Variants in PLEKHA6 observed in about 807,000 individuals in gnomAD.
PLEKHA6 encodes pleckstrin homology domain containing A6, also known as pleckstrin homology domain-containing family A member 6.
PLEKHA6 carries 60 observed loss-of-function variants against 116.7 expected under a neutral mutation model. The ratio of observed to expected loss-of-function variants is 0.51; its 90% CI spans 0.42 to 0.64. The LOEUF is 0.64. PLEKHA6 is among the 30% of genes least tolerant of loss of function. PLEKHA6 has a pLI of 0.00. For missense variants in PLEKHA6, 1,338 were observed against 1,422.7 expected (o/e 0.94, Z 0.96); for synonymous variants, 489 against 556.1 (o/e 0.88, Z 1.70).
At position 204,228,530 on chromosome 1, in the gene PLEKHA6, G is replaced by A. The variant is rs916264065; in HGVS notation, c.2885+198C>T. Among the ~76,000 whole-genome samples, 3 of 152,244 alleles carry A rather than the reference G, an allele frequency of 2.0e-5. No individual in the cohort carries two copies. Among genetic ancestry groups the A allele is most frequent in the Non-Finnish European group, 2.9e-5 (2 of 67,992 alleles). Reference sequence around the variant, plus strand: ...TTTGTCTCGATGGTGTGGTGTGCACGAGCCTGGCAGGTCTTAGTAGCACCT... The same window carrying A: ...TTTGTCTCGATGGTGTGGTGTGCACAAGCCTGGCAGGTCTTAGTAGCACCT... On this transcript the variant is annotated intron_variant, in intron 20 of 22. Transcript: ENST00000272203. The surrounding 1 kb of genome is among the most constrained non-coding windows in gnomAD (Gnocchi z 4.0).
chr1:204,268,434 C>A, intron 3 of PLEKHA6, 122 bp from the exon 4 acceptor site: 1 of 487,446 alleles, frequency 2.1e-6, no homozygotes, highest in Non-Finnish European at 3.6e-6. Context: ...GCCCTCACAC[C>A]AAGGGGCCCA....
chr1:204,257,399 G>A lies in PLEKHA6; in HGVS notation c.1478C>T (p.Ala493Val), dbSNP rs1319691935. ...RLPPRSEDIY[A>V]DPAAYVMRRS... The stretch of plus-strand genomic sequence containing the variant: ...CCTCATCACATAGGCAGCAGGGTCA[G>A]CATAGATGTCCTCACTGCGAGGTGG... The change falls in exon 9 of 23, where the codon GCT (alanine) becomes GTT (valine). Residue 493 changes from alanine to valine, a missense_variant. By Grantham distance (64) the Ala-to-Val change is moderately conservative. Transcript: ENST00000272203. The surrounding 1 kb of genome is among the most constrained non-coding windows in gnomAD (Gnocchi z 6.5). The A allele has an allele frequency of 6.4e-7, 1 of 1,563,848 alleles. No homozygotes were observed. The highest frequency in any genetic ancestry group is 1.9e-5 in the Admixed American group (1 of 52,498).
At position 204,257,792 on chromosome 1, in the gene PLEKHA6, T is replaced by C. The variant is rs1287465793; in HGVS notation, c.1085A>G (p.Tyr362Cys). 2.5e-6 allele frequency: 4 copies of C among 1,613,884 alleles called. No homozygotes were observed. The highest frequency in any genetic ancestry group is 2.5e-6 in the Non-Finnish European group (3 of 1,179,978). The change falls in exon 9 of 23, where the codon TAT (tyrosine) becomes TGT (cysteine). Residue 362 changes from tyrosine (Y) to cysteine (C), a missense_variant. Physicochemically the swap from Tyr to Cys is radical, Grantham distance 194 (BLOSUM62 -2). This residue lies in a region of PLEKHA6 where 1,136 missense variants were observed against 1,163.6 expected (regional missense o/e 0.98). Coordinates refer to ENST00000272203, the MANE Select transcript of PLEKHA6 (RefSeq NM_014935.5). This position sits in a 1 kb window ranked among gnomAD's most constrained non-coding sequence, Gnocchi z 6.5. ...GPYSSQYPDDYQYYPPGVRPE... is the reference protein window; with the variant it reads ...GPYSSQYPDDCQYYPPGVRPE... ...CCGCACTCCTGGCGGGTAGTACTGA[T>C]AATCATCGGGGTACTGGGAGGAGTA...
intron 1 of PLEKHA6, chr1:204,281,011 G>A: frequency 2.0e-6 from 2 of 984,476 alleles, no homozygotes; most frequent in South Asian, 9.4e-5. Flanking sequence ...TTTGCAGGTG[G>A]GAAGGAACCC....
intron 17 of PLEKHA6, among the ~76,000 whole-genome samples, chr1:204,235,021 C>CATAT (rs756858317): frequency 0.14 from 11,217 of 80,838 alleles, 1,337 homozygotes; most frequent in Middle Eastern, 0.22. Flanking sequence ...TATCTAATAG[C>CATAT]AGATATATAT....
intron 1 of PLEKHA6, among the ~76,000 whole-genome samples, chr1:204,348,411 G>C (rs1465260688): frequency 6.6e-6 from 1 of 152,042 alleles, no homozygotes; most frequent in Non-Finnish European, 1.5e-5. Context: ...TAAATGCCTT[G>C]CCCGTTCTTC....
chr1:204,275,981 A>G (rs1442299309), intron 1 of PLEKHA6, among the ~76,000 whole-genome samples: 1 of 152,360 alleles, frequency 6.6e-6, no homozygotes, highest in East Asian at 1.9e-4. Flanking sequence ...GTGGCAGGTC[A>G]GCCAGCAGCA....
At chr1:204,311,504 A>AG (rs1671657735) in intron 1 of PLEKHA6, 1 of 591,430 alleles carries the variant, frequency 1.7e-6, no homozygotes, top group Non-Finnish European at 2.1e-6. Flanking sequence ...AAAAAAAAAA[A>AG]GTTATTCTGC....
chr1:204,287,520 A>G (rs1053495128), intron 1 of PLEKHA6, among the ~76,000 whole-genome samples: 6 of 152,132 alleles, frequency 3.9e-5, no homozygotes, highest in African/African-American at 1.2e-4. Context: ...TTTGTTCTCA[A>G]CTGACAACCT....
At chr1:204,329,457 CT>C (rs1672369389) in intron 1 of PLEKHA6, among the ~76,000 whole-genome samples, 1 of 152,092 alleles carries the variant, frequency 6.6e-6, no homozygotes, top group African/African-American at 2.4e-5. Context: ...GAAGCAACGT[CT>C]AATTAGAGAG....
rs767966214 is a variant in PLEKHA6 at position 204,268,247 on chromosome 1, G to A, written c.168C>T (p.Pro56=). The A allele has an allele frequency of 2.5e-6, 4 of 1,612,748 alleles. No individual in the cohort carries two copies. The highest frequency in any genetic ancestry group is 3.4e-6 in the Non-Finnish European group (4 of 1,179,510). ...AGCCCGCCTTGGTGACAGGTGCATT[G>A]GGGTTCCGCTTCATGGAGTGTGAGC... is the stretch of plus-strand genomic sequence containing the variant. ...GKRSHSMKRN[P]NAPVTKAGWL... Residue 56 remains proline (P), a synonymous_variant, in exon 4 of 23, where the codon CCC becomes CCT. Transcript: ENST00000272203.
chr1:204,332,793 C>T (rs954789080), intron 1 of PLEKHA6, among the ~76,000 whole-genome samples: 5 of 152,214 alleles, frequency 3.3e-5, no homozygotes, highest in South Asian at 4.1e-4. Context: ...CAAATCCTGG[C>T]TCTGCCCCTT....
intron 3 of PLEKHA6, among the ~76,000 whole-genome samples, chr1:204,367,258 G>A (rs926102019): frequency 5.3e-5 from 8 of 152,142 alleles, no homozygotes; most frequent in Non-Finnish European, 8.8e-5. Flanking sequence ...CCCACAGAGG[G>A]GCCTGACCAA....
At chr1:204,314,391 G>C (rs35680983) in intron 1 of PLEKHA6, among the ~76,000 whole-genome samples, 34,218 of 152,078 alleles carry the variant, frequency 0.23, 3,988 homozygotes, top group South Asian at 0.29. Flanking sequence ...TTCTTCTTTA[G>C]AGACTGAAGT....
At chr1:204,302,221 T>C (rs780983668) in intron 1 of PLEKHA6, among the ~76,000 whole-genome samples, 14 of 152,144 alleles carry the variant, frequency 9.2e-5, no homozygotes, top group Non-Finnish European at 1.8e-4. Context: ...GAGAGAAGGA[T>C]TGAGTTTTCC....
chr1:204,297,167 T>C (rs1303896499), intron 1 of PLEKHA6: 1 of 982,126 alleles, frequency 1.0e-6, no homozygotes, highest in East Asian at 1.1e-4. Context: ...TCCTTCTTCC[T>C]AGAAAGAAAA....
In PLEKHA6 at chr1:204,219,496, A is replaced by T. The variant is rs1421660138; in HGVS notation, c.*3292T>A. On this transcript the variant is annotated 3_prime_UTR_variant, in exon 23 of 23. Transcript: ENST00000272203. ...GATCATGGAGGTAATGTGCTCATTGAGAAGGCCCTGGATGAATAATCAGAG... is the reference window on the plus strand; with the variant it reads ...GATCATGGAGGTAATGTGCTCATTGTGAAGGCCCTGGATGAATAATCAGAG... 1 of 152,236 alleles carries T rather than the reference A, an allele frequency of 6.6e-6. No individual in the cohort carries two copies. Among genetic ancestry groups the T allele is most frequent in the African/African-American group, 2.4e-5 (1 of 41,430 alleles). 9.4% of individuals were successfully genotyped at this position (152,236 alleles called of 1,614,324 possible).
upstream of PLEKHA6, among the ~76,000 whole-genome samples, chr1:204,361,606 G>A (rs1424274741): frequency 6.6e-6 from 1 of 152,182 alleles, no homozygotes; most frequent in Non-Finnish European, 1.5e-5. Flanking sequence ...CTGCCCAGCT[G>A]AGATGTCAGG....
In PLEKHA6 at chr1:204,313,695, G is replaced by A. The variant is rs1431029641; in HGVS notation, c.-94-38886C>T. ...GTGGCTGTCTTTGAGATTTTCACCTGACATTCTGCAGCTAACCACCTTTCT... is the reference window on the plus strand; with the variant it reads ...GTGGCTGTCTTTGAGATTTTCACCTAACATTCTGCAGCTAACCACCTTTCT... On this transcript the variant is annotated intron_variant, in intron 1 of 22. Transcript: ENST00000272203. 3 of 985,208 alleles carry A rather than the reference G, an allele frequency of 3.0e-6. No individual in the cohort carries two copies. In the African/African-American group the frequency reaches 5.2e-5, roughly 17 times the overall value. The allele number at this position is 985,208 out of a possible 1,614,324, so 61.0% of individuals were successfully genotyped here. A position where few individuals can be genotyped will look rare whatever the true frequency, so the allele number is the denominator to read the frequency against.
Sources: gnomAD v4.1 joint callset for allele counts (sites outside exome capture counted in the v4.1 genomes callset) on GRCh38, gnomAD v4.1.1 for gene constraint, gnomAD v4.1.1 regional missense constraint, Gnocchi (gnomAD v3.1) non-coding constraint, MANE v1.5 for transcripts, NCBI Gene and HGNC (gene_info 2026-07-23, HGNC 2026-07-21) for gene names.